The following MYO7B variants were observed in gnomAD, a reference collection of about 807,000 sequenced individuals.
MYO7B encodes myosin VIIB, also known as unconventional myosin-VIIb.
A neutral mutation model predicts 259.7 loss-of-function variants in MYO7B; 212 were observed. The ratio of observed to expected loss-of-function variants is 0.82; its 90% CI spans 0.73 to 0.91. The LOEUF (loss-of-function observed/expected upper bound fraction) is 0.91. Among genes scored for constraint, MYO7B ranks in the 40% least tolerant of loss-of-function variants. The probability of loss-of-function intolerance (pLI) is 0.00; values close to 1 mark genes in which losing one functional copy is unlikely to be tolerated. For missense variants in MYO7B, 2,732 were observed against 2,813.5 expected (o/e 0.97, Z 0.66); for synonymous variants, 1,197 against 1,166.4 (o/e 1.03, Z -0.54).
Position 127,627,068 on chromosome 2 carries a change from C to A in MYO7B, c.4309C>A (p.Leu1437Ile). The change falls in exon 32 of 48, where the codon CTC becomes ATC. Residue 1437 changes from leucine to isoleucine, a missense_variant. By Grantham distance (5) the Leu-to-Ile change is conservative. This residue lies in a region of MYO7B where 1,906 missense variants were observed against 2,026.4 expected (regional missense o/e 0.94). Coordinates refer to ENST00000409816, the MANE Select transcript of MYO7B (RefSeq NM_001393586.1). This position sits in a 1 kb window ranked among gnomAD's most constrained non-coding sequence, Gnocchi z 5.6. ...RLQWPLLFSR[L>I]FEVITLSGPR... ...GCAGTGGCCGCTGCTCTTCTCCCGG[C>A]TCTTCGAAGTCATCACACTCTCAGG... 2.5e-6 allele frequency: 4 copies of A among 1,611,532 alleles called. 1 individual carries two copies. The South Asian group carries it at 3.3e-5, about 13-fold the overall frequency.
Position 127,631,367 on chromosome 2 carries a change from T to C in MYO7B, c.5095+4T>C. The C allele has an allele frequency of 6.2e-7, 1 of 1,602,680 alleles. No homozygotes were observed. The highest frequency in any genetic ancestry group is 2.2e-5 in the East Asian group (1 of 44,558). On this transcript the variant is annotated splice_donor_region_variant and intron_variant, in intron 37 of 47. Coordinates refer to ENST00000409816, the MANE Select transcript of MYO7B (RefSeq NM_001393586.1). ...ATCGCCTGCCAGATCTTTGTCGATA[T>C]CCTTCCCCACCAGCCTGCCTGCACC...
intron 1 of MYO7B, among the ~76,000 whole-genome samples, chr2:127,538,541 AC>A (rs1210882219): frequency 6.6e-6 from 1 of 151,930 alleles, no homozygotes; most frequent in Non-Finnish European, 1.5e-5. Context: ...TTGGAGCCAA[AC>A]ATTTGCAGAT....
chr2:127,578,222 C>T lies in MYO7B; in HGVS notation c.939C>T (p.Ser313=), dbSNP rs778678649. 41 of 1,613,774 alleles carry T rather than the reference C, an allele frequency of 2.5e-5. No homozygotes were observed. The highest frequency in any genetic ancestry group is 6.7e-5 in the East Asian group (3 of 44,856). The change falls in exon 9 of 48, where the codon TCC becomes TCT. Residue 313 remains serine, a synonymous_variant. Coordinates refer to ENST00000409816, the MANE Select transcript of MYO7B (RefSeq NM_001393586.1). ...SAMKILQFSD[S]ESWDVIKLLA... ...TGAAGATCCTCCAGTTCTCCGACTC[C>T]GAGAGCTGGGACGTCATCAAGCTGC...
chr2:127,592,942 T>G lies in MYO7B; in HGVS notation c.2141T>G (p.Met714Arg). 1 of 1,588,432 alleles carries G rather than the reference T, an allele frequency of 6.3e-7. No individual in the cohort carries two copies. Among genetic ancestry groups the G allele is most frequent in the South Asian group, 1.1e-5 (1 of 86,998 alleles). The change falls in exon 17 of 48, where the codon ATG becomes AGG. Residue 714 changes from methionine (M) to arginine (R), a missense_variant. Met to Arg is a moderately conservative substitution (Grantham distance 91, BLOSUM62 -1). Coordinates refer to ENST00000409816, the MANE Select transcript of MYO7B (RefSeq NM_001393586.1). The stretch of plus-strand genomic sequence containing the variant: ...GTGTTGCTGCCCAACGCCATGCGGA[T>G]GCAGGTCAGCGCCCCTCGGGGACGG... Reference protein sequence around the residue: ...FGVLLPNAMRMQLQGKLRQMT... With the variant: ...FGVLLPNAMRRQLQGKLRQMT...
At chr2:127,630,148 A>G (rs1681390979) in intron 35 of MYO7B, among the ~76,000 whole-genome samples, 1 of 152,194 alleles carries the variant, frequency 6.6e-6, no homozygotes, top group South Asian at 2.1e-4. Context: ...GCACAAGGGA[A>G]CCACCCACCC....
intron 16 of MYO7B, among the ~76,000 whole-genome samples, chr2:127,591,917 CA>C (rs1024674492): frequency 6.6e-6 from 1 of 152,256 alleles, no homozygotes; most frequent in Non-Finnish European, 1.5e-5. Context: ...CCGCCCCAGC[CA>C]CTCCAGGTCT....
intron 17 of MYO7B, 35 bp from the exon 18 acceptor site, chr2:127,593,511 C>G (rs1198285322): frequency 1.3e-6 from 2 of 1,596,814 alleles, no homozygotes; most frequent in Non-Finnish European, 1.7e-6. Flanking sequence ...GTCTCTGCCC[C>G]ACCTCCCACC....
intron 19 of MYO7B, among the ~76,000 whole-genome samples, chr2:127,596,861 G>A (rs1273378831): frequency 1.3e-5 from 2 of 152,246 alleles, no homozygotes; most frequent in Non-Finnish European, 1.5e-5. Flanking sequence ...AAAGCGTATG[G>A]GTTTGGGTTG....
chr2:127,576,186 A>C lies in MYO7B; in HGVS notation c.736-409A>C, dbSNP rs2104913881. Among the ~76,000 whole-genome samples the C allele has an allele frequency of 6.6e-6, 1 of 151,920 alleles. No individual in the cohort carries two copies. The highest frequency in any genetic ancestry group is 2.1e-4 in the South Asian group (1 of 4,802). ...TGCACTCTAGCTTGGGTGACAGAGC[A>C]AGACCTTCTCTCGGAAAAAAAAAAA... On this transcript the variant is annotated intron_variant, in intron 7 of 47. Coordinates refer to ENST00000409816, the MANE Select transcript of MYO7B (RefSeq NM_001393586.1). The surrounding 1 kb of genome is among the most constrained non-coding windows in gnomAD (Gnocchi z 4.9).
intron 44 of MYO7B, 75 bp downstream of exon 44, chr2:127,635,982 C>A: frequency 6.7e-7 from 1 of 1,490,674 alleles, no homozygotes; most frequent in Non-Finnish European, 9.0e-7. Context: ...CCATGCCCTG[C>A]CTGGGCTCCA....
Position 127,580,738 on chromosome 2 carries a change from C to T in MYO7B, c.1004-8C>T. Reference sequence around the variant, plus strand: ...TTTCCAACTCAGCATTCCTGCTTCTCTCTCTAGCTTCGGTCTTCGAGAACC... The same window carrying T: ...TTTCCAACTCAGCATTCCTGCTTCTTTCTCTAGCTTCGGTCTTCGAGAACC... On this transcript the variant is annotated splice_region_variant and splice_polypyrimidine_tract_variant and intron_variant, in intron 9 of 47. Transcript: ENST00000409816. 6.2e-7 allele frequency: 1 copy of T among 1,611,058 alleles called. No homozygotes were observed.
At position 127,569,866 on chromosome 2, in the gene MYO7B, C is replaced by T. The variant is rs770751834; in HGVS notation, c.548C>T (p.Ser183Leu). Reference sequence around the variant, plus strand: ...CTGGCCACCATCAGTGGCCAGCATTCGTGGATTGAGCAGCAGGTCCTGGAA... The same window carrying T: ...CTGGCCACCATCAGTGGCCAGCATTTGTGGATTGAGCAGCAGGTCCTGGAA... ...QFLATISGQH[S>L]WIEQQVLEAN... Residue 183 changes from serine (S) to leucine (L), a missense_variant, in exon 6 of 48, where the codon TCG becomes TTG. This residue lies in a region of MYO7B where 1,906 missense variants were observed against 2,026.4 expected (regional missense o/e 0.94). Transcript: ENST00000409816. 1.3e-5 allele frequency: 21 copies of T among 1,613,304 alleles called. No individual in the cohort carries two copies. The highest frequency in any genetic ancestry group is 2.2e-5 in the South Asian group (2 of 90,962).
At chr2:127,550,359 A>T (rs1693400482) in intron 1 of MYO7B, among the ~76,000 whole-genome samples, 1 of 152,158 alleles carries the variant, frequency 6.6e-6, no homozygotes, top group Non-Finnish European at 1.5e-5. Context: ...TGAGGCCAGG[A>T]GTTCAAGACC....
intron 47 of MYO7B, 105 bp downstream of exon 47, chr2:127,637,018 T>G: frequency 6.5e-7 from 1 of 1,530,852 alleles, no homozygotes; most frequent in South Asian, 1.2e-5. Flanking sequence ...GAGGGCTCAG[T>G]CACAGGGCCC....
At chr2:127,547,411 G>A (rs1693276708) in intron 1 of MYO7B, among the ~76,000 whole-genome samples, 1 of 152,218 alleles carries the variant, frequency 6.6e-6, no homozygotes, top group Admixed American at 6.5e-5. Flanking sequence ...GTGCTTGTGT[G>A]TGTGCTCCAA....
intron 21 of MYO7B, 77 bp from the exon 22 acceptor site, chr2:127,608,631 G>C: frequency 6.7e-7 from 1 of 1,488,158 alleles, no homozygotes; most frequent in Admixed American, 2.1e-5. Flanking sequence ...GGAGGTGCTT[G>C]CCCTGTGGGG....
At chr2:127,555,351 C>G (rs1693600156) in intron 1 of MYO7B, among the ~76,000 whole-genome samples, 1 of 152,156 alleles carries the variant, frequency 6.6e-6, no homozygotes, top group Non-Finnish European at 1.5e-5. Flanking sequence ...TTTCATTTAT[C>G]TTTTGTGGGT....
At chr2:127,637,102 G>C in intron 47 of MYO7B, 189 bp downstream of exon 47, 1 of 1,108,656 alleles carries the variant, frequency 9.0e-7, no homozygotes, top group Middle Eastern at 1.9e-4. Context: ...AAGGCCAGGC[G>C]GGACCCCCTG....
chr2:127,624,645 A>C (rs1681014207), intron 30 of MYO7B, among the ~76,000 whole-genome samples: 1 of 152,208 alleles, frequency 6.6e-6, no homozygotes, highest in Non-Finnish European at 1.5e-5. Flanking sequence ...CCTAAGTCTG[A>C]ATCCCACCTC....
Sources: allele counts gnomAD v4.1 joint callset (sites outside exome capture counted in the v4.1 genomes callset), GRCh38; gene constraint gnomAD v4.1.1; regional missense constraint gnomAD v4.1.1; non-coding constraint Gnocchi (gnomAD v3.1); transcripts MANE v1.5; gene names NCBI Gene and HGNC (gene_info 2026-07-23, HGNC 2026-07-21).